The following SGCZ variants were observed in gnomAD, a reference collection of about 807,000 sequenced individuals.
The protein encoded by SGCZ is zeta-sarcoglycan.
SGCZ carries 40 observed loss-of-function variants against 41.3 expected under a neutral mutation model. That is an observed-to-expected ratio of 0.97 (90% CI 0.75 to 1.26). The LOEUF (loss-of-function observed/expected upper bound fraction) is 1.26, where lower values mean the gene tolerates loss of function less well. Among genes scored for constraint, SGCZ ranks in the 50% most tolerant of loss-of-function variants. The pLI is 0.00. For missense variants in SGCZ, 552 were observed against 369.8 expected (o/e 1.49, Z -4.04); for synonymous variants, 206 against 137.5 (o/e 1.50, Z -3.49).
At chr8:14,119,925 G>T (rs936001055) in intron 5 of SGCZ, among the ~76,000 whole-genome samples, 10 of 152,086 alleles carry the variant, frequency 6.6e-5, no homozygotes, top group Non-Finnish European at 1.2e-4. Flanking sequence ...CTTGATTGTG[G>T]TGGATAAACT....
intron 1 of SGCZ, among the ~76,000 whole-genome samples, chr8:14,967,212 G>C (rs1458653653): frequency 1.3e-5 from 2 of 152,144 alleles, no homozygotes; most frequent in Admixed American, 6.5e-5. Flanking sequence ...TTAAAATGCA[G>C]ATTCTAATTC....
intron 1 of SGCZ, among the ~76,000 whole-genome samples, chr8:15,183,421 A>C (rs1178033182): frequency 2.0e-5 from 3 of 152,212 alleles, no homozygotes; most frequent in African/African-American, 7.2e-5. Flanking sequence ...TTATAAGTTT[A>C]TGGTATCACC....
intron 4 of SGCZ, among the ~76,000 whole-genome samples, chr8:14,212,079 G>A (rs74585687): frequency 0.055 from 8,407 of 152,064 alleles, 476 homozygotes; most frequent in African/African-American, 0.15. Context: ...CTTCTTGATA[G>A]TCAAGAGTCC....
At chr8:14,312,848 A>G (rs1430842930) in intron 3 of SGCZ, among the ~76,000 whole-genome samples, 1 of 152,216 alleles carries the variant, frequency 6.6e-6, no homozygotes, top group East Asian at 1.9e-4. Flanking sequence ...ATTTAAAGAA[A>G]AACTACACAG....
chr8:15,120,405 G>T (rs991204555), intron 1 of SGCZ, among the ~76,000 whole-genome samples: 2 of 152,058 alleles, frequency 1.3e-5, no homozygotes, highest in East Asian at 3.9e-4. Context: ...AGCTCAGCTT[G>T]GGGCTACATT....
At chr8:14,484,666 G>C (rs1343115317) in intron 2 of SGCZ, among the ~76,000 whole-genome samples, 2 of 152,102 alleles carry the variant, frequency 1.3e-5, no homozygotes, top group African/African-American at 4.8e-5. Context: ...TCTTCTGAAA[G>C]ATGGGAATAT....
intron 4 of SGCZ, among the ~76,000 whole-genome samples, chr8:14,189,232 ACT>A (rs1805013377): frequency 1.3e-5 from 2 of 151,900 alleles, no homozygotes; most frequent in Admixed American, 1.3e-4. Flanking sequence ...TTAGTGGGTA[ACT>A]CTGCTTTCCA....
intron 2 of SGCZ, among the ~76,000 whole-genome samples, chr8:14,466,597 C>T (rs1399754901): frequency 6.6e-6 from 1 of 151,824 alleles, no homozygotes; most frequent in Non-Finnish European, 1.5e-5. Context: ...TATTGCTCTG[C>T]TTGATGGTTT....
At chr8:14,489,130 T>G (rs1801767020) in intron 2 of SGCZ, among the ~76,000 whole-genome samples, 1 of 151,968 alleles carries the variant, frequency 6.6e-6, no homozygotes. Context: ...CAATATAAAT[T>G]CCTGTGCATG....
chr8:14,452,487 AAATAAT>A (rs924835957), intron 2 of SGCZ, among the ~76,000 whole-genome samples: 3 of 151,918 alleles, frequency 2.0e-5, no homozygotes, highest in Admixed American at 6.6e-5. Context: ...GATCTCAAAA[AAATAAT>A]AATAATAATA....
intron 1 of SGCZ, among the ~76,000 whole-genome samples, chr8:15,000,194 T>C (rs1465459578): frequency 6.6e-6 from 1 of 152,114 alleles, no homozygotes; most frequent in Non-Finnish European, 1.5e-5. Context: ...GAGAGTCCTG[T>C]AGGAAACCAA....
chr8:14,278,905 C>T (rs1045988070), intron 3 of SGCZ, among the ~76,000 whole-genome samples: 2 of 152,024 alleles, frequency 1.3e-5, no homozygotes, highest in Non-Finnish European at 2.9e-5. Flanking sequence ...ATGGTCAGCC[C>T]ACAAAATGCA....
intron 2 of SGCZ, among the ~76,000 whole-genome samples, chr8:14,514,783 ATGTGTGTGTGTGTGTG>A (rs200862544): frequency 3.0e-5 from 3 of 100,388 alleles, no homozygotes; most frequent in South Asian, 2.7e-4. Flanking sequence ...ATATATGTAA[ATGTGTGTGTGTGTGTG>A]TGTGTGTGTG....
intron 2 of SGCZ, among the ~76,000 whole-genome samples, chr8:14,478,817 A>C (rs1422677606): frequency 6.6e-6 from 1 of 151,456 alleles, no homozygotes; most frequent in African/African-American, 2.4e-5. Context: ...TCCCATTTTC[A>C]CTCTTGTTGA....
At chr8:14,880,550 AC>A (rs1804548837) in intron 1 of SGCZ, among the ~76,000 whole-genome samples, 1 of 152,188 alleles carries the variant, frequency 6.6e-6, no homozygotes, top group Non-Finnish European at 1.5e-5. Context: ...CTTGGAAGCA[AC>A]CCAAATGTCC....
At chr8:14,405,203 C>T (rs1799180457) in intron 2 of SGCZ, among the ~76,000 whole-genome samples, 1 of 152,152 alleles carries the variant, frequency 6.6e-6, no homozygotes, top group Non-Finnish European at 1.5e-5. Flanking sequence ...TGTTAAATCA[C>T]CTCCGTTGAA....
chr8:14,583,444 A>G (rs1028061421), intron 1 of SGCZ, among the ~76,000 whole-genome samples: 1 of 152,084 alleles, frequency 6.6e-6, no homozygotes, highest in Non-Finnish European at 1.5e-5. Context: ...CTTTTCTCCC[A>G]TTTTGTAGGT....
intron 1 of SGCZ, among the ~76,000 whole-genome samples, chr8:14,627,472 T>C (rs560751095): frequency 1.9e-4 from 29 of 152,238 alleles, no homozygotes; most frequent in African/African-American, 7.0e-4. Context: ...CAGTGGATTT[T>C]CCACTGTCCT....
intron 3 of SGCZ, among the ~76,000 whole-genome samples, chr8:14,288,751 C>T (rs759053411): frequency 3.9e-5 from 6 of 152,034 alleles, no homozygotes; most frequent in East Asian, 1.9e-4. Flanking sequence ...CATTTGTGTA[C>T]AAGTTTTTGT....
Sources: gnomAD v4.1 joint callset for allele counts (sites outside exome capture counted in the v4.1 genomes callset) on GRCh38, gnomAD v4.1.1 for gene constraint, MANE v1.5 for transcripts, NCBI Gene and HGNC (gene_info 2026-07-23, HGNC 2026-07-21) for gene names.